NTM: variants seen among roughly 807,000 people sequenced by gnomAD.
NTM encodes IgLON family member 2.
NTM carries 13 observed loss-of-function variants against 42.1 expected under a neutral mutation model. The observed-to-expected ratio is 0.31, with a 90% CI of 0.20 to 0.49. NTM has a LOEUF of 0.49. NTM is among the 20% of genes least tolerant of loss of function. The pLI, the probability that NTM is intolerant of heterozygous loss-of-function variation, is 0.99. For synonymous variants in NTM, 187 were observed against 179.2 expected (o/e 1.04, Z -0.35); for missense variants, 373 against 452.8 (o/e 0.82, Z 1.60).
intron 1 of NTM, among the ~76,000 whole-genome samples, chr11:131,455,045 T>C (rs1410643928): frequency 6.6e-6 from 1 of 152,216 alleles, no homozygotes; most frequent in Non-Finnish European, 1.5e-5. Flanking sequence ...CCTTGTAGAC[T>C]ATACATTTGC....
At chr11:131,823,693 A>T (rs1592105263) in intron 1 of NTM, among the ~76,000 whole-genome samples, 1 of 152,236 alleles carries the variant, frequency 6.6e-6, no homozygotes, top group East Asian at 1.9e-4. Context: ...CCTGATAGTT[A>T]TACGTCTTCT....
At chr11:131,994,579 G>A (rs1169360300) in intron 2 of NTM, among the ~76,000 whole-genome samples, 2 of 152,132 alleles carry the variant, frequency 1.3e-5, no homozygotes, top group Non-Finnish European at 2.9e-5. Flanking sequence ...ATTTTGTTGA[G>A]GGAAGCAACT....
At chr11:132,015,446 C>T (rs1940582) in intron 2 of NTM, among the ~76,000 whole-genome samples, 67,431 of 151,364 alleles carry the variant, frequency 0.45, 15,873 homozygotes, top group East Asian at 0.82. Context: ...TTGGTGTTTT[C>T]GCAGGGATTG....
chr11:132,307,860 T>A (rs775431736), intron 5 of NTM, 37 bp downstream of exon 5: 2 of 1,603,088 alleles, frequency 1.2e-6, no homozygotes. Context: ...TGCACGTGCA[T>A]CAGGCTGGCC....
intron 3 of NTM, among the ~76,000 whole-genome samples, chr11:132,181,349 AT>A: frequency 6.6e-6 from 1 of 152,306 alleles, no homozygotes; most frequent in South Asian, 2.1e-4. Flanking sequence ...GAAGATTATG[AT>A]TTAGGCAGTC....
chr11:131,526,063 T>G (rs965760132), intron 1 of NTM, among the ~76,000 whole-genome samples: 7 of 146,650 alleles, frequency 4.8e-5, no homozygotes, highest in Non-Finnish European at 1.1e-4. Context: ...CAGGTGCAGG[T>G]GTGCTCTGGC....
chr11:132,004,521 C>A (rs1295123354), intron 2 of NTM, among the ~76,000 whole-genome samples: 1 of 152,012 alleles, frequency 6.6e-6, no homozygotes. Context: ...ACTTGGAAAC[C>A]TGATTTCCCT....
At chr11:131,699,974 T>C (rs1432074679) in intron 1 of NTM, among the ~76,000 whole-genome samples, 2 of 150,326 alleles carry the variant, frequency 1.3e-5, no homozygotes, top group Non-Finnish European at 3.0e-5. Flanking sequence ...ATTCAGTATC[T>C]TGAACTAGAC....
intron 2 of NTM, among the ~76,000 whole-genome samples, chr11:132,088,391 A>T (rs1055266094): frequency 2.0e-5 from 3 of 152,062 alleles, no homozygotes; most frequent in African/African-American, 7.2e-5. Context: ...ATGATGCAGG[A>T]TTTTTTCTCC....
intron 1 of NTM, among the ~76,000 whole-genome samples, chr11:131,498,099 T>C (rs1955539783): frequency 1.4e-5 from 2 of 147,590 alleles, no homozygotes; most frequent in Admixed American, 6.7e-5. Flanking sequence ...GATGTACCCT[T>C]CTACAGAAGT....
chr11:131,791,802 A>G (rs115817695), intron 1 of NTM, among the ~76,000 whole-genome samples: 1 of 152,286 alleles, frequency 6.6e-6, no homozygotes, highest in African/African-American at 2.4e-5. Flanking sequence ...GTTACCAAAT[A>G]TGGCTTTGGA....
intron 1 of NTM, among the ~76,000 whole-genome samples, chr11:131,683,395 G>A (rs2073312782): frequency 6.6e-6 from 1 of 152,224 alleles, no homozygotes; most frequent in Admixed American, 6.5e-5. Context: ...CTGCCCTCCA[G>A]CTCTGGTACC....
chr11:131,525,964 A>G lies in NTM; in HGVS notation c.82+155076A>G, dbSNP rs141960580. ...TACTTGCAAACTGTCTCATGGCTCC[A>G]TTCAGAAATTACCTAGGCTGCATCC... On this transcript the variant is annotated intron_variant, in intron 1 of 8. Transcript: ENST00000683400. Among the ~76,000 whole-genome samples, 172 of 152,320 alleles carry G rather than the reference A, an allele frequency of 1.1e-3. 1 individual carries two copies. Among genetic ancestry groups the G allele is most frequent in the African/African-American group, 3.9e-3 (164 of 41,568 alleles).
chr11:131,390,265 G>A (rs962936010), intron 1 of NTM, among the ~76,000 whole-genome samples: 8 of 152,128 alleles, frequency 5.3e-5, no homozygotes, highest in Admixed American at 5.2e-4. Flanking sequence ...TCGAGTGAAT[G>A]AGAATCCATT....
At chr11:131,386,867 T>C (rs1943380104) in intron 1 of NTM, among the ~76,000 whole-genome samples, 1 of 152,232 alleles carries the variant, frequency 6.6e-6, no homozygotes, top group South Asian at 2.1e-4. Flanking sequence ...ATCCCTTTTT[T>C]TGATTCTGCT....
chr11:131,788,630 C>A (rs1325747824), intron 1 of NTM, among the ~76,000 whole-genome samples: 2 of 152,154 alleles, frequency 1.3e-5, no homozygotes, highest in Admixed American at 6.5e-5. Flanking sequence ...CTGACTTTCA[C>A]CCATCAAAAT....
intron 1 of NTM, among the ~76,000 whole-genome samples, chr11:131,711,362 C>CA (rs2077107321): frequency 6.6e-6 from 1 of 151,998 alleles, no homozygotes; most frequent in Non-Finnish European, 1.5e-5. Flanking sequence ...TTTATGCAGC[C>CA]AAAAAACACA....
intron 1 of NTM, among the ~76,000 whole-genome samples, chr11:131,861,532 C>A (rs633040): frequency 6.6e-6 from 1 of 151,946 alleles, no homozygotes; most frequent in Admixed American, 6.5e-5. Context: ...ATAGATTTTC[C>A]GATAACCTTC....
intron 4 of NTM, among the ~76,000 whole-genome samples, chr11:132,278,078 G>T (rs188346805): frequency 4.2e-4 from 64 of 152,314 alleles, no homozygotes; most frequent in African/African-American, 1.3e-3. Flanking sequence ...TCGGCCTTCT[G>T]GTTGCCAAGT....
Sources: gnomAD v4.1 joint callset for allele counts (sites outside exome capture counted in the v4.1 genomes callset) on GRCh38, gnomAD v4.1.1 for gene constraint, MANE v1.5 for transcripts, NCBI Gene and HGNC (gene_info 2026-07-23, HGNC 2026-07-21) for gene names.